The following SORBS2 variants were observed in gnomAD, a reference collection of about 807,000 sequenced individuals.
SORBS2 encodes sorbin and SH3 domain containing 2.
Under a neutral mutation model 97.7 loss-of-function variants are expected in SORBS2, and 46 were observed. The ratio of observed to expected loss-of-function variants is 0.47; its 90% CI spans 0.37 to 0.60. SORBS2 has a LOEUF of 0.60. Among genes scored for constraint, SORBS2 ranks in the 20% least tolerant of loss-of-function variants. The pLI is 0.00. For missense variants in SORBS2, 1,316 were observed against 1,282.3 expected (o/e 1.03, Z -0.40); for synonymous variants, 476 against 473.4 (o/e 1.01, Z -0.07).
chr4:185,863,503 T>C (rs1317183118), intron 1 of SORBS2, among the ~76,000 whole-genome samples: 2 of 152,230 alleles, frequency 1.3e-5, no homozygotes, highest in African/African-American at 4.8e-5. Context: ...TTCTTATTTG[T>C]TTAGAATTGA....
At chr4:185,736,267 T>G (rs1173146027) in intron 2 of SORBS2, among the ~76,000 whole-genome samples, 1 of 152,264 alleles carries the variant, frequency 6.6e-6, no homozygotes, top group Non-Finnish European at 1.5e-5. Context: ...GAAGGTGGTG[T>G]TGTGCAAGCC....
chr4:185,626,291 G>A (rs1181360641), intron 6 of SORBS2, among the ~76,000 whole-genome samples: 2 of 152,234 alleles, frequency 1.3e-5, no homozygotes, highest in Non-Finnish European at 2.9e-5. Flanking sequence ...ATGGCAGGAG[G>A]TGGATGCTCC....
intron 4 of SORBS2, 67 bp from the exon 8 acceptor site, chr4:185,662,309 G>T (rs2097534649): frequency 6.8e-7 from 1 of 1,481,240 alleles, no homozygotes; most frequent in Non-Finnish European, 9.2e-7. Context: ...ATTCCATTAG[G>T]TGATAATAAA....
Position 185,607,011 on chromosome 4 carries a change from T to G in SORBS2, c.2796+4769A>C. ...GAGGCTCTGCATGGTAAGGCTGGGCTGCAGCCGAGGCCACACCCGCGTGAG... is the reference window on the plus strand; with the variant it reads ...GAGGCTCTGCATGGTAAGGCTGGGCGGCAGCCGAGGCCACACCCGCGTGAG... On this transcript the variant is annotated intron_variant, in intron 12 of 14. Transcript: ENST00000418609. The surrounding 1 kb of genome is among the most constrained non-coding windows in gnomAD (Gnocchi z 5.2). The G allele has an allele frequency of 9.9e-7, 1 of 1,008,558 alleles. No homozygotes were observed. Among genetic ancestry groups the G allele is most frequent in the Non-Finnish European group, 1.2e-6 (1 of 843,684 alleles). The allele number at this position is 1,008,558 out of a possible 1,614,324, so 62.5% of individuals were successfully genotyped here.
chr4:185,827,744 T>TCATCATCATCACCATCATCATCAC (rs1256465641), intron 1 of SORBS2, among the ~76,000 whole-genome samples: 256 of 41,854 alleles, frequency 6.1e-3, no homozygotes, highest in Non-Finnish European at 7.4e-3. Context: ...ATCATCACCA[T>TCATCATCATCACCATCATCATCAC]CATCACCATC....
chr4:185,912,938 G>T (rs2099256122), intron 1 of SORBS2, among the ~76,000 whole-genome samples: 1 of 152,132 alleles, frequency 6.6e-6, no homozygotes, highest in Non-Finnish European at 1.5e-5. Flanking sequence ...ACCCATTATT[G>T]TGCTGCATTA....
chr4:185,614,549 A>G (rs1187052258), intron 11 of SORBS2: 2 of 357,734 alleles, frequency 5.6e-6, no homozygotes, highest in Non-Finnish European at 1.0e-5. Context: ...GTGCTCCCGA[A>G]TGTATAAGTC....
chr4:185,813,369 C>T (rs2099190133), intron 1 of SORBS2, among the ~76,000 whole-genome samples: 2 of 152,180 alleles, frequency 1.3e-5, no homozygotes, highest in African/African-American at 2.4e-5. Context: ...TCCCCTTCCT[C>T]CCCAACCGGA....
chr4:185,860,256 A>G (rs900452634), intron 1 of SORBS2, among the ~76,000 whole-genome samples: 1 of 152,244 alleles, frequency 6.6e-6, no homozygotes, highest in Non-Finnish European at 1.5e-5. Context: ...TAAGGTTGAT[A>G]TGGTTTTTCT....
intron 1 of SORBS2, among the ~76,000 whole-genome samples, chr4:185,866,856 C>T (rs1373479689): frequency 6.6e-6 from 1 of 152,126 alleles, no homozygotes; most frequent in East Asian, 1.9e-4. Context: ...TTTCAGTGTG[C>T]ATTCTATGCC....
exon 8 of SORBS2, chr4:185,620,076 G>T (rs2096693855): frequency 2.5e-6 from 4 of 1,604,774 alleles, no homozygotes; most frequent in Middle Eastern, 1.7e-4. Context: ...TTTTTCTGGA[G>T]TTCCTCTTCT....
At chr4:185,749,944 A>G (rs139639851) in intron 2 of SORBS2, among the ~76,000 whole-genome samples, 4 of 152,334 alleles carry the variant, frequency 2.6e-5, no homozygotes, top group Non-Finnish European at 4.4e-5. Flanking sequence ...TTTTCCATCT[A>G]TAAACACCAA....
At chr4:185,859,679 G>T (rs2099222572) in intron 1 of SORBS2, among the ~76,000 whole-genome samples, 1 of 151,332 alleles carries the variant, frequency 6.6e-6, no homozygotes, top group Non-Finnish European at 1.5e-5. Flanking sequence ...TTAGTAGTTT[G>T]TAAGCCTCCT....
chr4:185,828,398 G>T (rs2099203160), intron 1 of SORBS2, among the ~76,000 whole-genome samples: 1 of 152,068 alleles, frequency 6.6e-6, no homozygotes, highest in Non-Finnish European at 1.5e-5. Flanking sequence ...CACTCTGGGA[G>T]CTGGGTGAGT....
At chr4:185,879,693 CTT>C (rs35725295) in intron 1 of SORBS2, among the ~76,000 whole-genome samples, 42,335 of 151,956 alleles carry the variant, frequency 0.28, 6,130 homozygotes, top group East Asian at 0.54. Flanking sequence ...TGTTTCCTGA[CTT>C]TTTAATGATC....
chr4:185,935,378 G>GGTTTC (rs2099268437), intron 1 of SORBS2, among the ~76,000 whole-genome samples: 2 of 152,210 alleles, frequency 1.3e-5, no homozygotes, highest in African/African-American at 4.8e-5. Context: ...AGCCATGGGA[G>GGTTTC]ATAACACGTT....
At chr4:185,724,746 C>T (rs1011998499) in intron 2 of SORBS2, among the ~76,000 whole-genome samples, 8 of 152,190 alleles carry the variant, frequency 5.3e-5, no homozygotes, top group South Asian at 4.1e-4. Context: ...CCACCATGGA[C>T]GCTCATGCTG....
rs2099153884 is a variant in SORBS2 at position 185,806,434 on chromosome 4, C to CTGTTTTTTTTTTTTTTTTTTT, written c.-337-31069_-337-31068insAAAAAAAAAAAAAAAAAAACA. On this transcript the variant is annotated intron_variant, in intron 1 of 20. Coordinates refer to the SORBS2 transcript ENST00000284776. Reference sequence around the variant, plus strand: ...AGTGGCACAGCTCTTGGCTAGAATCCTATTTTTTTTTTTTTTTTTTTTTTT... The same window carrying CTGTTTTTTTTTTTTTTTTTTT: ...AGTGGCACAGCTCTTGGCTAGAATCCTGTTTTTTTTTTTTTTTTTTTTATTTTTTTTTTTTTTTTTTTTTTT... 1.8e-5 allele frequency among the ~76,000 whole-genome samples: 2 copies of CTGTTTTTTTTTTTTTTTTTTT among 108,110 alleles called. 1 individual carries two copies. Among genetic ancestry groups the CTGTTTTTTTTTTTTTTTTTTT allele is most frequent in the African/African-American group, 7.3e-5 (2 of 27,232 alleles). The allele number at this position is 108,110 out of a possible 152,430, so 70.9% of individuals were successfully genotyped here. A position where few individuals can be genotyped will look rare whatever the true frequency, so the allele number is the denominator to read the frequency against.
At chr4:185,698,066 C>T (rs188395244) in intron 2 of SORBS2, among the ~76,000 whole-genome samples, 9 of 152,278 alleles carry the variant, frequency 5.9e-5, no homozygotes, top group Admixed American at 2.6e-4. Flanking sequence ...TAGGGTTAGA[C>T]ATTTGAGGAT....
Sources: allele counts gnomAD v4.1 joint callset (sites outside exome capture counted in the v4.1 genomes callset), GRCh38; gene constraint gnomAD v4.1.1; non-coding constraint Gnocchi (gnomAD v3.1); transcripts MANE v1.5; gene names NCBI Gene and HGNC (gene_info 2026-07-23, HGNC 2026-07-21).